C8A: variants seen among roughly 807,000 people sequenced by gnomAD.
The protein encoded by C8A is complement component C8 alpha chain.
C8A carries 67 observed loss-of-function variants against 65.3 expected under a neutral mutation model. That is an observed-to-expected ratio of 1.03 (90% CI 0.84 to 1.26). C8A has a LOEUF of 1.26. C8A is among the 50% of genes most tolerant of loss of function. The pLI is 0.00. For synonymous variants in C8A, 290 were observed against 259.4 expected, an observed-to-expected ratio of 1.12 and a Z score of -1.13; for missense variants, 781 against 723.9, an observed-to-expected ratio of 1.08 and a Z score of -0.90.
chr1:56,894,676 C>T (rs186026377), intron 7 of C8A, among the ~76,000 whole-genome samples: 3 of 152,278 alleles, frequency 2.0e-5, no homozygotes, highest in African/African-American at 7.2e-5. Flanking sequence ...TCTTCCTCCT[C>T]CCTCCCTGCC....
intron 1 of C8A, 50 bp from the exon 2 acceptor site, chr1:56,867,559 G>T (rs779947224): frequency 7.5e-7 from 1 of 1,334,576 alleles, no homozygotes; most frequent in Non-Finnish European, 1.1e-6. Flanking sequence ...TTTCTCATTT[G>T]CTTAAATTTT....
At chr1:56,892,040 C>T (rs551369749) in intron 7 of C8A, among the ~76,000 whole-genome samples, 99 of 152,198 alleles carry the variant, frequency 6.5e-4, no homozygotes, top group Non-Finnish European at 1.3e-3. Context: ...ATTCTCCTTG[C>T]TTCTTCTACT....
chr1:56,860,860 T>G (rs1644027226), intron 1 of C8A, among the ~76,000 whole-genome samples: 1 of 152,012 alleles, frequency 6.6e-6, no homozygotes, highest in Non-Finnish European at 1.5e-5. Context: ...GGAATTCCAG[T>G]TTTTGGAGAA....
chr1:56,893,732 T>C (rs1644366755), intron 7 of C8A, among the ~76,000 whole-genome samples: 7 of 152,168 alleles, frequency 4.6e-5, no homozygotes, highest in Admixed American at 4.6e-4. Flanking sequence ...ATCTGCCTCA[T>C]AGAGTGGTTG....
At chr1:56,885,428 ATATATATTTAAG>A (rs1472854819) in intron 6 of C8A, among the ~76,000 whole-genome samples, 22 of 101,222 alleles carry the variant, frequency 2.2e-4, no homozygotes, top group African/African-American at 1.0e-3. Flanking sequence ...ATATATTTAA[ATATATATTTAAG>A]TAAATATATA....
At chr1:56,864,200 G>T (rs113581848) in intron 1 of C8A, among the ~76,000 whole-genome samples, 8 of 152,294 alleles carry the variant, frequency 5.3e-5, no homozygotes, top group South Asian at 2.1e-4. Flanking sequence ...TGATGTTTAT[G>T]ATGAGAATGA....
At chr1:56,884,060 G>A (rs1402939838) in intron 6 of C8A, among the ~76,000 whole-genome samples, 1 of 144,388 alleles carries the variant, frequency 6.9e-6, no homozygotes, top group African/African-American at 2.7e-5. Flanking sequence ...TAGAAGGACT[G>A]GTATGCTAAA....
At chr1:56,910,795 G>A (rs565465374) in intron 9 of C8A, among the ~76,000 whole-genome samples, 1 of 152,312 alleles carries the variant, frequency 6.6e-6, no homozygotes, top group Non-Finnish European at 1.5e-5. Flanking sequence ...CTCAGACAAA[G>A]CTATTGCCAG....
chr1:56,864,629 G>A lies in C8A; in HGVS notation c.78-2980G>A, dbSNP rs985470212. Among the ~76,000 whole-genome samples, 5 of 152,150 alleles carry A rather than the reference G, an allele frequency of 3.3e-5. No homozygotes were observed. In the South Asian group the frequency reaches 8.3e-4, roughly 25 times the overall value. On this transcript the variant is annotated intron_variant, in intron 1 of 10. Coordinates refer to ENST00000361249, the MANE Select transcript of C8A (RefSeq NM_000562.3). ...TTACAGATAAGGAAAAGGAGCAACC[G>A]AGCAACCAGAGAGTTGGATGACTCG...
At chr1:56,909,100 C>A (rs1296219207) in intron 9 of C8A, among the ~76,000 whole-genome samples, 3 of 152,152 alleles carry the variant, frequency 2.0e-5, no homozygotes, top group Admixed American at 2.0e-4. Flanking sequence ...AGAAACCCTG[C>A]CTTAAATGCT....
intron 5 of C8A, among the ~76,000 whole-genome samples, chr1:56,883,223 C>CTG (rs3835681): frequency 0.16 from 23,348 of 150,182 alleles, 2,037 homozygotes; most frequent in East Asian, 0.35. Context: ...TCATCTGCAT[C>CTG]TGTGTGTGTG....
Position 56,908,623 on chromosome 1 carries a change from G to A in C8A, c.1380+510G>A, listed in dbSNP as rs138367994. ...CTCAAAGGCCATACAAAAATAAGCT[G>A]TGGGTTGGACTTGGACCCAGGCTGC... On this transcript the variant is annotated intron_variant, in intron 9 of 10. Transcript: ENST00000361249. Among the ~76,000 whole-genome samples the A allele has an allele frequency of 1.5e-3, 222 of 152,260 alleles. 1 individual carries two copies. The highest frequency in any genetic ancestry group is 5.0e-3 in the African/African-American group (209 of 41,552).
At chr1:56,855,958 CA>C (rs1643970663) in intron 1 of C8A, among the ~76,000 whole-genome samples, 1 of 151,766 alleles carries the variant, frequency 6.6e-6, no homozygotes, top group Non-Finnish European at 1.5e-5. Context: ...AAGATAAAGG[CA>C]AGAGAACTGT....
intron 5 of C8A, among the ~76,000 whole-genome samples, chr1:56,882,433 A>G (rs949955004): frequency 6.6e-6 from 1 of 152,218 alleles, no homozygotes; most frequent in Non-Finnish European, 1.5e-5. Context: ...ACAAAGGGTT[A>G]AAGTGTCAGG....
chr1:56,881,604 A>G lies in C8A; in HGVS notation c.624A>G (p.Lys208=), dbSNP rs1481034283. ...GAGATGATGAGAAATACTTTCGGAA[A>G]CCCTACAACTTTCTGAAGTACCACT... is the stretch of plus-strand genomic sequence containing the variant. ...YYGDDEKYFR[K]PYNFLKYHFE... Residue 208 remains lysine, a synonymous_variant, in exon 5 of 11, where the codon AAA becomes AAG. Transcript: ENST00000361249. The G allele has an allele frequency of 1.2e-6, 2 of 1,613,418 alleles. No homozygotes were observed. The highest frequency in any genetic ancestry group is 3.3e-5 in the Admixed American group (2 of 59,972).
At chr1:56,896,337 G>A (rs774713329) in intron 7 of C8A, among the ~76,000 whole-genome samples, 7 of 152,106 alleles carry the variant, frequency 4.6e-5, no homozygotes, top group African/African-American at 9.7e-5. Flanking sequence ...TGATGCTTTC[G>A]TTTCAGTCCA....
In C8A at chr1:56,912,399, A is replaced by G; in HGVS notation, c.1381-4A>G. On this transcript the variant is annotated splice_polypyrimidine_tract_variant and splice_region_variant and intron_variant, in intron 9 of 10. Transcript: ENST00000361249. ...GGGGCCCTGTGTTCTTTCTGTGCCCACAGATGCAGCCTATCCACGAGGTGC... is the reference window on the plus strand; with the variant it reads ...GGGGCCCTGTGTTCTTTCTGTGCCCGCAGATGCAGCCTATCCACGAGGTGC... 1 of 1,614,094 alleles carries G rather than the reference A, an allele frequency of 6.2e-7. No homozygotes were observed. The highest frequency in any genetic ancestry group is 8.5e-7 in the Non-Finnish European group (1 of 1,179,970).
In C8A at chr1:56,917,998, A is replaced by T; in HGVS notation, c.*282A>T. 1 of 326,268 alleles carries T rather than the reference A, an allele frequency of 3.1e-6. No homozygotes were observed. The highest frequency in any genetic ancestry group is 5.7e-6 in the Non-Finnish European group (1 of 175,760). The allele number at this position is 326,268 out of a possible 1,614,324, so 20.2% of individuals were successfully genotyped here. On this transcript the variant is annotated 3_prime_UTR_variant, in exon 11 of 11. Coordinates refer to ENST00000361249, the MANE Select transcript of C8A (RefSeq NM_000562.3). ...CATCAAAAAAATAAAGTAAAATAGA[A>T]AACTGAGAAAACTCAATCCATGACC... is the stretch of plus-strand genomic sequence containing the variant.
intron 7 of C8A, among the ~76,000 whole-genome samples, chr1:56,890,404 T>C (rs900989986): frequency 6.6e-6 from 1 of 152,220 alleles, no homozygotes; most frequent in Non-Finnish European, 1.5e-5. Context: ...GTATGGTCAC[T>C]GTTCTTGCAA....
Sources: allele counts gnomAD v4.1 joint callset (sites outside exome capture counted in the v4.1 genomes callset), GRCh38; gene constraint gnomAD v4.1.1; transcripts MANE v1.5; gene names NCBI Gene and HGNC (gene_info 2026-07-23, HGNC 2026-07-21).